The following MCTP2 variants were observed in gnomAD, a reference collection of about 807,000 sequenced individuals.
MCTP2 encodes the protein multiple C2 and transmembrane domain containing 2.
MCTP2 carries 132 observed loss-of-function variants against 111.6 expected under a neutral mutation model. That is an observed-to-expected ratio of 1.18 (90% CI 1.03 to 1.37). The LOEUF (loss-of-function observed/expected upper bound fraction) is 1.37, where lower values mean the gene tolerates loss of function less well. MCTP2 is among the 40% of genes most tolerant of loss of function. The probability of loss-of-function intolerance (pLI) is 0.00; values close to 1 mark genes in which losing one functional copy is unlikely to be tolerated. For missense variants in MCTP2, 1,183 were observed against 1,067.9 expected (o/e 1.11, Z -1.50); for synonymous variants, 395 against 387.7 (o/e 1.02, Z -0.22).
chr15:94,346,752 AG>A (rs1347300900), intron 8 of MCTP2, among the ~76,000 whole-genome samples: 3 of 152,138 alleles, frequency 2.0e-5, no homozygotes, highest in Admixed American at 6.6e-5. Flanking sequence ...AGGACAGGAG[AG>A]GTTGTGGAAG....
chr15:94,469,677 G>A (rs967465135), intron 20 of MCTP2, among the ~76,000 whole-genome samples: 1 of 152,044 alleles, frequency 6.6e-6, no homozygotes, highest in African/African-American at 2.4e-5. Flanking sequence ...AGACTAGCCT[G>A]GGGTGACATA....
chr15:94,379,066 T>TTG (rs1029864700), intron 12 of MCTP2, among the ~76,000 whole-genome samples: 3 of 151,764 alleles, frequency 2.0e-5, no homozygotes, highest in African/African-American at 7.3e-5. Flanking sequence ...GTTTTTTGTT[T>TTG]TTTGTTTTTT....
chr15:94,261,276 A>G (rs1342189758), intron 1 of MCTP2, among the ~76,000 whole-genome samples: 2 of 152,224 alleles, frequency 1.3e-5, no homozygotes, highest in Admixed American at 6.5e-5. Context: ...AGGCTGTGTC[A>G]TAGGTGCATC....
chr15:94,263,160 C>T (rs1405397751), intron 1 of MCTP2, among the ~76,000 whole-genome samples: 4 of 152,158 alleles, frequency 2.6e-5, no homozygotes, highest in Non-Finnish European at 4.4e-5. Flanking sequence ...AATATAGACT[C>T]GTGACTTTGT....
At position 94,292,583 on chromosome 15, in the gene MCTP2, A is replaced by G. The variant is rs542899093; in HGVS notation, c.-65-5618A>G. Among the ~76,000 whole-genome samples, 7 of 152,324 alleles carry G rather than the reference A, an allele frequency of 4.6e-5. No homozygotes were observed. In the East Asian group the frequency reaches 1.3e-3, roughly 29 times the overall value. On this transcript the variant is annotated intron_variant, in intron 1 of 22. Transcript: ENST00000357742. ...ACATGTACTGGGTATGTGAGCTAAA[A>G]CTGGAGAATGCTGATGAAAGAAATG...
rs376920896 is a variant in MCTP2, at chr15:94,442,939, C to T, written c.2229C>T (p.Asp743=). The T allele has an allele frequency of 2.6e-5, 42 of 1,612,386 alleles. No individual in the cohort carries two copies. In the Middle Eastern group the frequency reaches 6.6e-4, roughly 25 times the overall value. ...TTCAGGAGAGCACAGACATAGATGA[C>T]GAGGAGGATGAAGATGACAAGGTGC... ...QDSQESTDID[D]EEDEDDKESE... Residue 743 remains aspartate, a synonymous_variant, in exon 19 of 23, where the codon GAC becomes GAT. Coordinates refer to ENST00000357742, the MANE Select transcript of MCTP2 (RefSeq NM_001385001.1).
chr15:94,462,900 T>C (rs1372803177), intron 20 of MCTP2, among the ~76,000 whole-genome samples: 2 of 152,196 alleles, frequency 1.3e-5, no homozygotes, highest in African/African-American at 2.4e-5. Context: ...TATTAACTAT[T>C]ATGAGTATTA....
At chr15:94,455,777 AT>A (rs2084796567) in intron 19 of MCTP2, among the ~76,000 whole-genome samples, 3 of 152,212 alleles carry the variant, frequency 2.0e-5, no homozygotes, top group Admixed American at 2.0e-4. Flanking sequence ...TAAGGTGTCA[AT>A]TTAATGACAC....
intron 16 of MCTP2, among the ~76,000 whole-genome samples, 154 bp from the exon 17 acceptor site, chr15:94,401,745 CT>C (rs991529654): frequency 6.6e-6 from 1 of 152,184 alleles, no homozygotes; most frequent in Non-Finnish European, 1.5e-5. Flanking sequence ...TTTAAAAAGA[CT>C]TTTAGAAGTG....
At chr15:94,300,797 C>G (rs1309770539) in intron 2 of MCTP2, among the ~76,000 whole-genome samples, 3 of 151,998 alleles carry the variant, frequency 2.0e-5, no homozygotes, top group Admixed American at 1.3e-4. Flanking sequence ...GAAGCAGTGT[C>G]CAAGTTGGCA....
intron 12 of MCTP2, among the ~76,000 whole-genome samples, chr15:94,371,317 T>C (rs2079473711): frequency 6.6e-6 from 1 of 152,164 alleles, no homozygotes; most frequent in African/African-American, 2.4e-5. Context: ...TTGCAAATGT[T>C]TGTAATCTCA....
At chr15:94,357,457 C>A (rs1266230689) in intron 9 of MCTP2, among the ~76,000 whole-genome samples, 1 of 152,090 alleles carries the variant, frequency 6.6e-6, no homozygotes, top group Non-Finnish European at 1.5e-5. Flanking sequence ...GCCATTTGGA[C>A]TAAGGTGAAG....
At chr15:94,396,375 T>C (rs2081282065) in intron 14 of MCTP2, among the ~76,000 whole-genome samples, 1 of 152,146 alleles carries the variant, frequency 6.6e-6, no homozygotes, top group Non-Finnish European at 1.5e-5. Flanking sequence ...AGCTTTAAGG[T>C]TATAAATGTA....
rs755530756 is a variant in MCTP2, at chr15:94,339,301, C to T, written c.649C>T (p.Pro217Ser). 1 of 1,603,224 alleles carries T rather than the reference C, an allele frequency of 6.2e-7. No individual in the cohort carries two copies. The highest frequency in any genetic ancestry group is 1.1e-5 in the South Asian group (1 of 89,818). Reference protein sequence around the residue: ...VVRDRCGTSDPYVKFKLNGKT... With the variant: ...VVRDRCGTSDSYVKFKLNGKT... Reference sequence around the variant, plus strand: ...TTTTCCTTTTAAAGGCACAAGTGATCCTTATGTGAAATTTAAGCTGAATGG... The same window carrying T: ...TTTTCCTTTTAAAGGCACAAGTGATTCTTATGTGAAATTTAAGCTGAATGG... The change falls in exon 5 of 23, where the codon CCT becomes TCT. Residue 217 changes from proline (P) to serine (S), a missense_variant. By Grantham distance (74) the Pro-to-Ser change is moderately conservative. Coordinates refer to ENST00000357742, the MANE Select transcript of MCTP2 (RefSeq NM_001385001.1).
rs151121659 is a variant in MCTP2 at position 94,466,342 on chromosome 15, T to A, written c.2361-3991T>A. 1.5e-3 allele frequency among the ~76,000 whole-genome samples: 222 copies of A among 152,234 alleles called. 3 individuals carry two copies. Among genetic ancestry groups the A allele is most frequent in the Admixed American group, 6.9e-3 (105 of 15,274 alleles). On this transcript the variant is annotated intron_variant, in intron 20 of 22. Coordinates refer to ENST00000357742, the MANE Select transcript of MCTP2 (RefSeq NM_001385001.1). ...TGTGGAGAGTACTCAAACATCATAG[T>A]TGATGATGCATTTCCTTGGAGAGGA...
chr15:94,281,164 T>A (rs111417584), intron 1 of MCTP2, among the ~76,000 whole-genome samples: 14 of 152,298 alleles, frequency 9.2e-5, no homozygotes, highest in African/African-American at 3.4e-4. Flanking sequence ...ACAGTGTCAG[T>A]GGTTTGAAGT....
At chr15:94,412,183 A>G (rs929129985) in intron 17 of MCTP2, among the ~76,000 whole-genome samples, 17 of 152,178 alleles carry the variant, frequency 1.1e-4, no homozygotes, top group Non-Finnish European at 2.2e-4. Context: ...GAGGATTCTC[A>G]GTCCTACACT....
intron 17 of MCTP2, among the ~76,000 whole-genome samples, chr15:94,410,616 G>C (rs957321581): frequency 2.6e-5 from 4 of 152,088 alleles, no homozygotes; most frequent in African/African-American, 9.7e-5. Context: ...GTGTTATATA[G>C]TTATGCAGTG....
intron 4 of MCTP2, among the ~76,000 whole-genome samples, chr15:94,322,603 A>G (rs2076680326): frequency 6.6e-6 from 1 of 152,240 alleles, no homozygotes. Context: ...ACCTCTGCCT[A>G]GAATATCATG....
Sources: gnomAD v4.1 joint callset for allele counts (sites outside exome capture counted in the v4.1 genomes callset) on GRCh38, gnomAD v4.1.1 for gene constraint, MANE v1.5 for transcripts, NCBI Gene and HGNC (gene_info 2026-07-23, HGNC 2026-07-21) for gene names.